CMC2: variants seen among roughly 807,000 people sequenced by gnomAD.
CMC2 encodes the protein COX assembly mitochondrial protein 2 homolog.
A neutral mutation model predicts 7.5 loss-of-function variants in CMC2; 5 were observed. The ratio of observed to expected loss-of-function variants is 0.66; its 90% CI spans 0.35 to 1.40. The LOEUF (loss-of-function observed/expected upper bound fraction) is 1.40, where lower values mean the gene tolerates loss of function less well. Among genes scored for constraint, CMC2 ranks in the 40% most tolerant of loss-of-function variants. The pLI is 0.04. For missense variants in CMC2, 115 were observed against 92.3 expected, an observed-to-expected ratio of 1.25 and a Z score of -1.01; for synonymous variants, 37 against 31.4, an observed-to-expected ratio of 1.18 and a Z score of -0.60.
intron 1 of CMC2, among the ~76,000 whole-genome samples, chr16:81,005,891 T>TCTTGCCAATGGTAAGATTG (rs1245449074): frequency 6.6e-6 from 1 of 152,202 alleles, no homozygotes; most frequent in Admixed American, 6.5e-5. Flanking sequence ...CCAATGCACA[T>TCTTGCCAATGGTAAGATTG]GGTAAATGCC....
intron 1 of CMC2, among the ~76,000 whole-genome samples, chr16:81,003,073 T>G (rs371942520): frequency 6.6e-6 from 1 of 152,202 alleles, no homozygotes; most frequent in African/African-American, 2.4e-5. Flanking sequence ...CTCACTTCCA[T>G]CCACTTTGTG....
intron 2 of CMC2, among the ~76,000 whole-genome samples, chr16:80,988,152 C>A (rs112093919): frequency 6.6e-6 from 1 of 152,084 alleles, no homozygotes; most frequent in Non-Finnish European, 1.5e-5. Flanking sequence ...CCACCGCACT[C>A]GAGCCTGGGT....
chr16:80,989,116 A>G (rs1435036981), intron 2 of CMC2, among the ~76,000 whole-genome samples: 1 of 152,170 alleles, frequency 6.6e-6, no homozygotes, highest in East Asian at 1.9e-4. Context: ...AAGTTTCTAC[A>G]CCGTATTCGT....
intron 2 of CMC2, chr16:80,983,099 T>C (rs534349046): frequency 2.0e-5 from 3 of 153,376 alleles, no homozygotes; most frequent in South Asian, 2.0e-4. Context: ...ATGTATTTTC[T>C]CTTCCTTATT....
intron 1 of CMC2, among the ~76,000 whole-genome samples, chr16:81,004,188 A>C (rs1337476347): frequency 1.3e-5 from 2 of 152,012 alleles, no homozygotes; most frequent in Non-Finnish European, 2.9e-5. Flanking sequence ...CACCACCTGC[A>C]CTCTAGCCTG....
At chr16:80,991,025 C>CT (rs34157796) in intron 2 of CMC2, among the ~76,000 whole-genome samples, 2,127 of 142,208 alleles carry the variant, frequency 0.015, 45 homozygotes, top group African/African-American at 0.048. Flanking sequence ...CCAAGCCTGG[C>CT]TTTTTTTTTT....
At position 80,970,297 on chromosome 16, in the gene CMC2, T is replaced by C. The variant is rs1911828983; in HGVS notation, c.*5796A>G. On this transcript the variant is annotated 3_prime_UTR_variant, in exon 4 of 4. Transcript: ENST00000219400. Reference sequence around the variant, plus strand: ...AATTCCAAATCCAAATCTCACCGATTAATGGACATTAATTCCTATCTGGAA... The same window carrying C: ...AATTCCAAATCCAAATCTCACCGATCAATGGACATTAATTCCTATCTGGAA... 1.3e-5 allele frequency: 2 copies of C among 152,186 alleles called. No homozygotes were observed. Among genetic ancestry groups the C allele is most frequent in the South Asian group, 2.1e-4 (1 of 4,832 alleles). The allele number at this position is 152,186 out of a possible 1,614,324, so 9.4% of individuals were successfully genotyped here. A position where few individuals can be genotyped will look rare whatever the true frequency, so the allele number is the denominator to read the frequency against.
intron 1 of CMC2, 113 bp from the exon 2 acceptor site, chr16:80,997,542 C>T: frequency 1.8e-6 from 1 of 564,538 alleles, no homozygotes; most frequent in East Asian, 3.0e-5. Flanking sequence ...TAACCATTAA[C>T]CAGCTGTGTG....
chr16:81,006,585 C>CG (rs1406457075), intron 1 of CMC2, 149 bp downstream of exon 1: 1 of 483,820 alleles, frequency 2.1e-6, no homozygotes, highest in African/African-American at 2.1e-5. Flanking sequence ...CGCAGCAGCC[C>CG]GGCTGTGGGC....
intron 3 of CMC2, among the ~76,000 whole-genome samples, chr16:80,981,416 C>A (rs1967101031): frequency 6.6e-6 from 1 of 151,718 alleles, no homozygotes; most frequent in Non-Finnish European, 1.5e-5. Context: ...CTGAAAACAG[C>A]CTAATTCTAG....
intron 2 of CMC2, among the ~76,000 whole-genome samples, chr16:80,988,295 T>C (rs115273959): frequency 0.01 from 1,561 of 152,296 alleles, 24 homozygotes; most frequent in African/African-American, 0.035. Flanking sequence ...TCTCACTCCG[T>C]TGCCCAGGCT....
intron 3 of CMC2, among the ~76,000 whole-genome samples, chr16:80,977,542 G>T (rs1460806762): frequency 1.3e-5 from 2 of 152,118 alleles, no homozygotes; most frequent in Admixed American, 6.6e-5. Context: ...CGAGGCCACA[G>T]AAATTAAAGA....
intron 1 of CMC2, among the ~76,000 whole-genome samples, chr16:81,003,105 T>G (rs776187504): frequency 6.6e-6 from 1 of 152,244 alleles, no homozygotes; most frequent in Non-Finnish European, 1.5e-5. Flanking sequence ...TGCCTAAATG[T>G]TGGTGCATAC....
At chr16:80,987,604 C>T (rs1967642565) in intron 2 of CMC2, among the ~76,000 whole-genome samples, 1 of 152,114 alleles carries the variant, frequency 6.6e-6, no homozygotes, top group Non-Finnish European at 1.5e-5. Context: ...GATCAGAAGC[C>T]ACCCACAGAC....
chr16:80,993,189 G>T (rs548096915), intron 2 of CMC2, among the ~76,000 whole-genome samples: 1 of 152,222 alleles, frequency 6.6e-6, no homozygotes, highest in Admixed American at 6.5e-5. Context: ...AGCCATGAAA[G>T]AACAAACTGA....
chr16:81,001,694 G>T (rs908007896), intron 1 of CMC2, among the ~76,000 whole-genome samples: 1 of 152,052 alleles, frequency 6.6e-6, no homozygotes, highest in African/African-American at 2.4e-5. Flanking sequence ...AAAAACCTGT[G>T]AGAAATTCAA....
chr16:81,005,799 T>C (rs1229908141), intron 1 of CMC2, among the ~76,000 whole-genome samples: 1 of 152,218 alleles, frequency 6.6e-6, no homozygotes, highest in Non-Finnish European at 1.5e-5. Context: ...CCTAGCACTC[T>C]GCCAGAATCA....
At position 80,974,942 on chromosome 16, in the gene CMC2, A is replaced by G. The variant is rs1234216463; in HGVS notation, c.*1151T>C. ...ACCTCCTGTGATGGGGAAGTCACTTATTAAACACCAACACCAACAAGGCCT... is the reference window on the plus strand; with the variant it reads ...ACCTCCTGTGATGGGGAAGTCACTTGTTAAACACCAACACCAACAAGGCCT... On this transcript the variant is annotated 3_prime_UTR_variant, in exon 4 of 4. Coordinates refer to ENST00000219400, the MANE Select transcript of CMC2 (RefSeq NM_020188.5). The G allele has an allele frequency of 6.6e-6, 1 of 152,284 alleles. No homozygotes were observed. Among genetic ancestry groups the G allele is most frequent in the African/African-American group, 2.4e-5 (1 of 41,478 alleles). 9.4% of individuals were successfully genotyped at this position (152,284 alleles called of 1,614,324 possible).
chr16:80,989,751 C>T (rs1967826735), intron 2 of CMC2, among the ~76,000 whole-genome samples: 1 of 152,172 alleles, frequency 6.6e-6, no homozygotes. Flanking sequence ...ACACTGATAC[C>T]TCTAATTCCA....
Sources: allele counts gnomAD v4.1 joint callset (sites outside exome capture counted in the v4.1 genomes callset), GRCh38; gene constraint gnomAD v4.1.1; transcripts MANE v1.5; gene names NCBI Gene and HGNC (gene_info 2026-07-23, HGNC 2026-07-21).